The following EBF1 variants were observed in gnomAD, a reference collection of about 807,000 sequenced individuals.
The protein encoded by EBF1 is transcription factor COE1.
Under a neutral mutation model 68.4 loss-of-function variants are expected in EBF1, and 10 were observed. The observed-to-expected ratio is 0.15, with a 90% CI of 0.09 to 0.25. EBF1 has a LOEUF of 0.25. EBF1 is among the 10% of genes least tolerant of loss of function. The pLI, the probability that EBF1 is intolerant of heterozygous loss-of-function variation, is 1.00. For missense variants in EBF1, 509 were observed against 794.4 expected, an observed-to-expected ratio of 0.64 and a Z score of 4.32; for synonymous variants, 298 against 299.8, an observed-to-expected ratio of 0.99 and a Z score of 0.06.
At chr5:158,889,433 GTC>G (rs1800721250) in intron 6 of EBF1, among the ~76,000 whole-genome samples, 2 of 152,082 alleles carry the variant, frequency 1.3e-5, no homozygotes, top group Non-Finnish European at 2.9e-5. Flanking sequence ...ATTTGTACAA[GTC>G]CTAGCAATTC....
At chr5:158,894,184 C>T (rs1035621252) in intron 6 of EBF1, among the ~76,000 whole-genome samples, 8 of 152,162 alleles carry the variant, frequency 5.3e-5, no homozygotes, top group African/African-American at 1.9e-4. Flanking sequence ...GCAGAGTCCA[C>T]AGAGTATTGA....
intron 10 of EBF1, among the ~76,000 whole-genome samples, chr5:158,760,076 A>G (rs758054991): frequency 1.5e-4 from 23 of 152,200 alleles, no homozygotes; most frequent in Non-Finnish European, 3.2e-4. Context: ...TACATTGCCA[A>G]GTAGATTTGT....
At chr5:159,018,428 T>C (rs1330692119) in intron 6 of EBF1, among the ~76,000 whole-genome samples, 1 of 152,248 alleles carries the variant, frequency 6.6e-6, no homozygotes, top group African/African-American at 2.4e-5. Flanking sequence ...TTAACATCTA[T>C]ATACAAAGGT....
At chr5:159,049,845 C>G (rs1773179112) in intron 6 of EBF1, among the ~76,000 whole-genome samples, 1 of 152,218 alleles carries the variant, frequency 6.6e-6, no homozygotes, top group South Asian at 2.1e-4. Flanking sequence ...GGGTGCTTAT[C>G]TGGTGATAAT....
At chr5:159,074,838 A>G (rs1166729827) in intron 5 of EBF1, among the ~76,000 whole-genome samples, 1 of 152,114 alleles carries the variant, frequency 6.6e-6, no homozygotes, top group African/African-American at 2.4e-5. Flanking sequence ...AGAGGGAACT[A>G]TTTCCTCCAG....
intron 10 of EBF1, among the ~76,000 whole-genome samples, chr5:158,746,513 C>T (rs542113879): frequency 6.6e-6 from 1 of 152,200 alleles, no homozygotes; most frequent in Non-Finnish European, 1.5e-5. Context: ...TTACCAGAAG[C>T]CCTTGTTCTT....
At chr5:158,914,968 G>T (rs930416218) in intron 6 of EBF1, among the ~76,000 whole-genome samples, 1 of 152,090 alleles carries the variant, frequency 6.6e-6, no homozygotes, top group Non-Finnish European at 1.5e-5. Context: ...AATTTGAATT[G>T]CAATTAGAAT....
intron 6 of EBF1, among the ~76,000 whole-genome samples, chr5:158,957,428 T>C (rs1252320249): frequency 6.6e-6 from 1 of 152,218 alleles, no homozygotes; most frequent in East Asian, 1.9e-4. Flanking sequence ...GCAAATTAGG[T>C]CTGGCATAAT....
intron 6 of EBF1, among the ~76,000 whole-genome samples, chr5:159,060,973 T>C (rs868858426): frequency 2.8e-4 from 32 of 116,144 alleles, no homozygotes; most frequent in Middle Eastern, 4.1e-3. Flanking sequence ...CACACACACA[T>C]ACCCCTCAGC....
At chr5:158,888,142 C>T (rs1013889052) in intron 6 of EBF1, among the ~76,000 whole-genome samples, 3 of 152,230 alleles carry the variant, frequency 2.0e-5, no homozygotes, top group African/African-American at 4.8e-5. Context: ...AGGAAAGAGA[C>T]GCCACAAAAG....
chr5:158,889,925 T>C (rs1051270035), intron 6 of EBF1, among the ~76,000 whole-genome samples: 1 of 152,190 alleles, frequency 6.6e-6, no homozygotes, highest in African/African-American at 2.4e-5. Flanking sequence ...AGCATTTACA[T>C]TGATTTGGGT....
intron 6 of EBF1, among the ~76,000 whole-genome samples, chr5:158,890,543 T>G (rs1336224654): frequency 6.6e-6 from 1 of 152,252 alleles, no homozygotes; most frequent in African/African-American, 2.4e-5. Flanking sequence ...ACCTCAGTCA[T>G]TTCTTTCTCA....
intron 6 of EBF1, among the ~76,000 whole-genome samples, chr5:159,031,948 G>A (rs1327479382): frequency 2.6e-5 from 4 of 152,126 alleles, no homozygotes; most frequent in Admixed American, 6.5e-5. Context: ...CACTCCTCCC[G>A]TCTTCGAAGG....
intron 6 of EBF1, among the ~76,000 whole-genome samples, chr5:158,909,518 A>T (rs77834598): frequency 0.053 from 8,125 of 152,114 alleles, 291 homozygotes; most frequent in Non-Finnish European, 0.071. Context: ...GGGAATCAAA[A>T]CTCATGCTGC....
intron 8 of EBF1, among the ~76,000 whole-genome samples, chr5:158,822,343 C>T (rs952504592): frequency 9.9e-5 from 15 of 151,416 alleles, no homozygotes; most frequent in African/African-American, 2.9e-4. Flanking sequence ...GATAGATGAA[C>T]GGATGGATGG....
rs116553238 is a variant in EBF1 at position 158,749,339 on chromosome 5, A to G, written c.1037-18182T>C. On this transcript the variant is annotated intron_variant, in intron 10 of 15. Transcript: ENST00000313708. Reference sequence around the variant, plus strand: ...ATGAAGAAGATCCACCTCCCAAAATATGCAATGCCATCTCTTTAGATTTCC... The same window carrying G: ...ATGAAGAAGATCCACCTCCCAAAATGTGCAATGCCATCTCTTTAGATTTCC... Among the ~76,000 whole-genome samples the G allele has an allele frequency of 5.5e-3, 844 of 152,268 alleles. 7 individuals carry two copies. Among genetic ancestry groups the G allele is most frequent in the African/African-American group, 0.02 (812 of 41,562 alleles).
chr5:158,800,990 G>A (rs368406005), intron 8 of EBF1, among the ~76,000 whole-genome samples: 1 of 152,002 alleles, frequency 6.6e-6, no homozygotes, highest in African/African-American at 2.4e-5. Context: ...ATAAGTATCC[G>A]CAAGGCCAGT....
chr5:158,810,640 G>T (rs2023154049), intron 8 of EBF1, among the ~76,000 whole-genome samples: 1 of 152,092 alleles, frequency 6.6e-6, no homozygotes, highest in African/African-American at 2.4e-5. Flanking sequence ...GATTGCAACT[G>T]TCAATTAAAT....
At chr5:159,097,276 A>T (rs1225741910) in intron 1 of EBF1, 146 bp from the exon 2 acceptor site, 1 of 894,452 alleles carries the variant, frequency 1.1e-6, no homozygotes, top group Non-Finnish European at 1.7e-6. Flanking sequence ...CCTTCAGGCG[A>T]CATAGACCCA....
Sources: gnomAD v4.1 joint callset for allele counts (sites outside exome capture counted in the v4.1 genomes callset) on GRCh38, gnomAD v4.1.1 for gene constraint, MANE v1.5 for transcripts, NCBI Gene and HGNC (gene_info 2026-07-23, HGNC 2026-07-21) for gene names.